RIF1: variants seen among roughly 807,000 people sequenced by gnomAD.
The protein encoded by RIF1 is telomere-associated protein RIF1.
In RIF1, 45 loss-of-function variants were observed where a neutral mutation model predicts 247.1. The observed-to-expected ratio is 0.18, with a 90% CI of 0.14 to 0.23. The LOEUF is 0.23. RIF1 is among the 10% of genes least tolerant of loss of function. RIF1 has a pLI of 1.00. For synonymous variants in RIF1, 1,087 were observed against 978.8 expected (o/e 1.11, Z -2.06); for missense variants, 2,967 against 2,862.5 (o/e 1.04, Z -0.83).
the RIF1 span, chr2:151,524,654 CTTTTTTTTTTTTTTTTTTT>C: frequency 1.3e-4 from 33 of 257,384 alleles, 2 homozygotes; most frequent in East Asian, 2.6e-3. Context: ...AAGAGAGAGG[CTTTTTTTTTTTTTTTTTTT>C]TTTTTTTTTT....
At chr2:151,498,048 A>G in intron 10 of RIF1, 2 of 1,448,962 alleles carry the variant, frequency 1.4e-6, no homozygotes, top group African/African-American at 1.4e-5. Context: ...GGAAACATTC[A>G]TTATTTTTAA....
rs35266169 is a variant in RIF1, at chr2:151,470,979, T to G, written c.7095+1115T>G. ...CCCTATGGGTGCAGTTAGTTTTTAA[T>G]ATATTCACAGAGTTAAATAATATTC... On this transcript the variant is annotated intron_variant, in intron 34 of 35. Transcript: ENST00000444746. Among the ~76,000 whole-genome samples, 937 of 152,276 alleles carry G rather than the reference T, an allele frequency of 6.2e-3. 9 individuals are homozygous for G. The highest frequency in any genetic ancestry group is 0.01 in the Middle Eastern group (3 of 294).
At chr2:151,484,597 A>G (rs533810597), downstream of RIF1, among the ~76,000 whole-genome samples, 47 of 152,370 alleles carry the variant, frequency 3.1e-4, 1 homozygote, top group East Asian at 7.5e-3. Flanking sequence ...CTCTGTCTCC[A>G]AACAAAAAAA....
At chr2:151,460,917 C>T (rs1043162030) in intron 26 of RIF1, among the ~76,000 whole-genome samples, 3 of 152,124 alleles carry the variant, frequency 2.0e-5, no homozygotes, top group African/African-American at 7.2e-5. Context: ...CACAGACTTC[C>T]CTACTTCGTA....
chr2:151,423,144 A>T (rs1160425543), intron 8 of RIF1, 102 bp downstream of exon 8: 2 of 669,320 alleles, frequency 3.0e-6, no homozygotes, highest in Non-Finnish European at 5.2e-6. Context: ...TCCTTTGTAC[A>T]GCTGATGCTC....
At position 151,496,373 on chromosome 2, in the gene RIF1, G is replaced by C. The variant is rs780723893; in HGVS notation, c.*513+1047G>C. On this transcript the variant is annotated intron_variant and NMD_transcript_variant, in intron 10 of 13. Transcript: ENST00000454583. ...CATGTTTTCTTTGTATAACACCTGT[G>C]CGATGAGAAAGCATCCAGAAAAACA... is the stretch of plus-strand genomic sequence containing the variant. 11 of 1,603,128 alleles carry C rather than the reference G, an allele frequency of 6.9e-6. No individual in the cohort carries two copies. The highest frequency in any genetic ancestry group is 9.4e-6 in the Non-Finnish European group (11 of 1,173,994).
the RIF1 span, chr2:151,532,160 G>C: frequency 3.7e-6 from 1 of 273,742 alleles, no homozygotes; most frequent in Non-Finnish European, 6.9e-6. Context: ...GCAGTGGTGC[G>C]ATCTCGGCTC....
chr2:151,527,532 A>G, the RIF1 span: 2 of 1,613,556 alleles, frequency 1.2e-6, no homozygotes, highest in Non-Finnish European at 1.7e-6. Flanking sequence ...CCGGTCGGTC[A>G]GGAGTCCACT....
At chr2:151,498,002 A>G in intron 10 of RIF1, 1 of 1,434,206 alleles carries the variant, frequency 7.0e-7, no homozygotes, top group African/African-American at 1.4e-5. Context: ...TGAGGATTTG[A>G]GACTGTTAGA....
chr2:151,516,390 G>A, the RIF1 span: 1 of 1,096,280 alleles, frequency 9.1e-7, no homozygotes, highest in Non-Finnish European at 1.4e-6. Flanking sequence ...AACTGGCCAT[G>A]TCATGGGCAG....
downstream of RIF1, chr2:151,482,282 T>C (rs1002341339): frequency 4.6e-5 from 7 of 152,242 alleles, no homozygotes; most frequent in Non-Finnish European, 7.3e-5. Flanking sequence ...GTGTATGTTA[T>C]ATTCCTCCAC....
At chr2:151,485,944 G>A, downstream of RIF1, 1 of 1,612,824 alleles carries the variant, frequency 6.2e-7, no homozygotes, top group South Asian at 1.1e-5. Flanking sequence ...CTATTCGTGG[G>A]GATGGAAAAG....
chr2:151,519,615 C>A, the RIF1 span: 1 of 1,412,584 alleles, frequency 7.1e-7, no homozygotes, highest in Non-Finnish European at 1.0e-6. Flanking sequence ...GTTAAAATGG[C>A]AAATACCATG....
At chr2:151,506,097 A>G in intron 12 of RIF1, 1 of 1,327,734 alleles carries the variant, frequency 7.5e-7, no homozygotes, top group South Asian at 1.2e-5. Context: ...TTTGAGTGCA[A>G]CTCATAGGTC....
At chr2:151,493,469 A>G (rs1397318639) in intron 9 of RIF1, 6 of 1,494,330 alleles carry the variant, frequency 4.0e-6, no homozygotes, top group Admixed American at 4.0e-5. Context: ...AAGAGCATCT[A>G]GGCATCAGAC....
intron 11 of RIF1, chr2:151,501,355 T>G (rs1559275003): frequency 1.5e-6 from 2 of 1,321,624 alleles, no homozygotes; most frequent in Admixed American, 4.0e-5. Context: ...AATTATTATT[T>G]TTTAATATGG....
chr2:151,513,049 T>G, the RIF1 span, among the ~76,000 whole-genome samples: 4 of 152,136 alleles, frequency 2.6e-5, no homozygotes. Flanking sequence ...GAGAGAAGAT[T>G]TAGTTGGATG....
At chr2:151,529,227 A>T in the RIF1 span, 1 of 1,611,876 alleles carries the variant, frequency 6.2e-7, no homozygotes, top group Non-Finnish European at 8.5e-7. Context: ...TTGACTTTGT[A>T]GGCGTCCTTG....
chr2:151,431,967 A>G (rs542342036), intron 9 of RIF1, among the ~76,000 whole-genome samples: 17 of 152,252 alleles, frequency 1.1e-4, no homozygotes, highest in Middle Eastern at 6.8e-3. Flanking sequence ...ATTCCACCAA[A>G]TACATGGCCT....
Sources: gnomAD v4.1 joint callset for allele counts (sites outside exome capture counted in the v4.1 genomes callset) on GRCh38, gnomAD v4.1.1 for gene constraint, MANE v1.5 for transcripts, NCBI Gene and HGNC (gene_info 2026-07-23, HGNC 2026-07-21) for gene names.